The following SNX25 variants were observed in gnomAD, a reference collection of about 807,000 sequenced individuals.
SNX25 encodes sorting nexin-25.
In SNX25, 62 loss-of-function variants were observed where a neutral mutation model predicts 113.7. The observed-to-expected ratio is 0.55, with a 90% CI of 0.44 to 0.67. The LOEUF is 0.67. Among genes scored for constraint, SNX25 ranks in the 30% least tolerant of loss-of-function variants. SNX25 has a pLI of 0.00. For missense variants in SNX25, 1,014 were observed against 1,161.0 expected, an observed-to-expected ratio of 0.87 and a Z score of 1.84; for synonymous variants, 421 against 436.2, an observed-to-expected ratio of 0.97 and a Z score of 0.43.
chr4:185,310,926 C>T, intron 7 of SNX25, 110 bp downstream of exon 7: 3 of 1,041,276 alleles, frequency 2.9e-6, no homozygotes, highest in Non-Finnish European at 2.7e-6. Flanking sequence ...ACATGTGTGC[C>T]ATAACTACAC....
At chr4:185,224,037 C>T (rs1579349906) in intron 1 of SNX25, among the ~76,000 whole-genome samples, 1 of 152,064 alleles carries the variant, frequency 6.6e-6, no homozygotes, top group East Asian at 1.9e-4. Context: ...GACCAATTCC[C>T]CCATTGTGTG....
At chr4:185,276,167 T>C (rs1264544962) in intron 5 of SNX25, among the ~76,000 whole-genome samples, 1 of 152,160 alleles carries the variant, frequency 6.6e-6, no homozygotes, top group East Asian at 1.9e-4. Context: ...ATTATGTTCT[T>C]GTAGTTGGAG....
chr4:185,207,155 G>T (rs1473458328), upstream of SNX25, among the ~76,000 whole-genome samples: 1 of 145,932 alleles, frequency 6.9e-6, no homozygotes, highest in East Asian at 2.1e-4. Context: ...TCCTTTGTCA[G>T]TTTTCCAGGT....
intron 4 of SNX25, among the ~76,000 whole-genome samples, chr4:185,265,427 A>G (rs780300608): frequency 3.9e-5 from 6 of 152,210 alleles, no homozygotes; most frequent in Non-Finnish European, 5.9e-5. Flanking sequence ...GTATCTAAGT[A>G]TAGAAAAGGT....
chr4:185,298,106 T>TTTTTTTTA (rs1753098459), intron 6 of SNX25, among the ~76,000 whole-genome samples: 1 of 151,356 alleles, frequency 6.6e-6, no homozygotes. Context: ...TTTTTTTTTT[T>TTTTTTTTA]GAGATGGAGT....
intron 12 of SNX25, among the ~76,000 whole-genome samples, chr4:185,342,854 G>A (rs1350419799): frequency 6.6e-6 from 1 of 152,124 alleles, no homozygotes; most frequent in Non-Finnish European, 1.5e-5. Flanking sequence ...TCATGGCTGT[G>A]TGACCTGGAA....
intron 12 of SNX25, among the ~76,000 whole-genome samples, chr4:185,342,665 A>T (rs188649314): frequency 1.4e-4 from 21 of 150,542 alleles, no homozygotes; most frequent in African/African-American, 4.9e-4. Flanking sequence ...ATTCTGTCAC[A>T]TACACAAGGG....
intron 11 of SNX25, among the ~76,000 whole-genome samples, chr4:185,341,090 CCTT>C (rs1412912583): frequency 1.3e-5 from 2 of 152,220 alleles, no homozygotes; most frequent in African/African-American, 4.8e-5. Flanking sequence ...CTTATTGACT[CCTT>C]CTCTCTCATT....
chr4:185,232,148 T>A lies in SNX25; in HGVS notation c.430-15146T>A, dbSNP rs1182743025. Among the ~76,000 whole-genome samples, 1 of 152,112 alleles carries A rather than the reference T, an allele frequency of 6.6e-6. No individual in the cohort carries two copies. The highest frequency in any genetic ancestry group is 2.4e-5 in the African/African-American group (1 of 41,418). On this transcript the variant is annotated intron_variant, in intron 1 of 18. Transcript: ENST00000652585. The surrounding 1 kb of genome is among the most constrained non-coding windows in gnomAD (Gnocchi z 4.4). ...AACCCAAAGAATGGACTCAGAGACA[T>A]GAAGAACAGCAGAAGAGAGACTTTT...
At chr4:185,295,143 A>G (rs1017745451) in intron 6 of SNX25, among the ~76,000 whole-genome samples, 3 of 152,208 alleles carry the variant, frequency 2.0e-5, no homozygotes, top group African/African-American at 7.2e-5. Flanking sequence ...TCCCCAAAAT[A>G]TAATTGTTGA....
intron 1 of SNX25, among the ~76,000 whole-genome samples, chr4:185,222,700 T>A (rs1475409312): frequency 6.6e-6 from 1 of 152,212 alleles, no homozygotes; most frequent in Admixed American, 6.5e-5. Context: ...CTTTAAGGCC[T>A]AGTTGGATGA....
intron 9 of SNX25, among the ~76,000 whole-genome samples, chr4:185,325,747 T>C (rs1039366709): frequency 6.6e-6 from 1 of 152,078 alleles, no homozygotes; most frequent in African/African-American, 2.4e-5. Flanking sequence ...TAACTATGAG[T>C]TGGGTGATTT....
chr4:185,300,882 C>T (rs1753581435), intron 6 of SNX25, among the ~76,000 whole-genome samples: 2 of 151,328 alleles, frequency 1.3e-5, no homozygotes, highest in Admixed American at 6.6e-5. Flanking sequence ...CACAGGTTTT[C>T]TTCCATGGTT....
intron 6 of SNX25, among the ~76,000 whole-genome samples, chr4:185,307,894 A>C (rs570361058): frequency 6.6e-6 from 1 of 152,212 alleles, no homozygotes; most frequent in African/African-American, 2.4e-5. Context: ...ATCTGGAACT[A>C]TAGGCATGCA....
In SNX25 at chr4:185,323,768, G is replaced by A. The variant is rs1204798933; in HGVS notation, c.1717G>A (p.Ala573Thr). 3.1e-6 allele frequency: 5 copies of A among 1,613,392 alleles called. No individual in the cohort carries two copies. Among genetic ancestry groups the A allele is most frequent in the Non-Finnish European group, 4.2e-6 (5 of 1,179,786 alleles). Residue 573 changes from alanine (A) to threonine (T), a missense_variant, in exon 9 of 19, where the codon GCC becomes ACC. Transcript: ENST00000652585. The part of the protein sequence containing the change: ...KLLIKEEEKH[A>T]SQMISNKDEM... ...GTTGATAAAAGAGGAAGAAAAACAT[G>A]CCTCACAGATGATTTCCAACAAGGA...
intron 6 of SNX25, among the ~76,000 whole-genome samples, chr4:185,294,253 T>C (rs1432895081): frequency 6.6e-6 from 1 of 152,172 alleles, no homozygotes; most frequent in African/African-American, 2.4e-5. Flanking sequence ...CTGTGTCCCA[T>C]TGCTGCAGGC....
chr4:185,278,885 T>C (rs751700849), intron 5 of SNX25, among the ~76,000 whole-genome samples: 4 of 151,912 alleles, frequency 2.6e-5, no homozygotes, highest in Non-Finnish European at 5.9e-5. Flanking sequence ...TAGTAGAAAA[T>C]AGATATGGAT....
chr4:185,306,882 A>G (rs894874074), intron 6 of SNX25, among the ~76,000 whole-genome samples: 1 of 152,212 alleles, frequency 6.6e-6, no homozygotes, highest in African/African-American at 2.4e-5. Context: ...AGTCTCTGAA[A>G]TACTATTTTT....
At chr4:185,347,447 T>C (rs1314497604) in intron 13 of SNX25, among the ~76,000 whole-genome samples, 2 of 151,928 alleles carry the variant, frequency 1.3e-5, no homozygotes, top group Admixed American at 6.6e-5. Context: ...TTTGGTGTTT[T>C]TTTTTGTTTT....
Sources: allele counts gnomAD v4.1 joint callset (sites outside exome capture counted in the v4.1 genomes callset), GRCh38; gene constraint gnomAD v4.1.1; non-coding constraint Gnocchi (gnomAD v3.1); transcripts MANE v1.5; gene names NCBI Gene and HGNC (gene_info 2026-07-23, HGNC 2026-07-21).